LARGE1: variants seen among roughly 807,000 people sequenced by gnomAD.
LARGE1 encodes xylosyl- and glucuronyltransferase LARGE1.
A neutral mutation model predicts 87.6 loss-of-function variants in LARGE1; 43 were observed. The ratio of observed to expected loss-of-function variants is 0.49; its 90% CI spans 0.38 to 0.63. The LOEUF (loss-of-function observed/expected upper bound fraction) is 0.63, where lower values mean the gene tolerates loss of function less well. Among genes scored for constraint, LARGE1 ranks in the 30% least tolerant of loss-of-function variants. The pLI is 0.00. For synonymous variants in LARGE1, 434 were observed against 394.6 expected, an observed-to-expected ratio of 1.10 and a Z score of -1.18; for missense variants, 802 against 1,000.2, an observed-to-expected ratio of 0.80 and a Z score of 2.67.
chr22:33,596,185 C>A (rs2078972130), intron 5 of LARGE1, among the ~76,000 whole-genome samples: 1 of 152,234 alleles, frequency 6.6e-6, no homozygotes, highest in Non-Finnish European at 1.5e-5. Context: ...AAAGAAAAAT[C>A]TGCCTGTGTA....
intron 9 of LARGE1, among the ~76,000 whole-genome samples, chr22:33,365,907 C>A (rs1200256250): frequency 1.3e-5 from 2 of 152,188 alleles, no homozygotes; most frequent in African/African-American, 4.8e-5. Flanking sequence ...TGAGCCACTG[C>A]ACCTGGCCTG....
the LARGE1 span, among the ~76,000 whole-genome samples, chr22:33,140,066 C>A: frequency 1.7e-4 from 26 of 152,280 alleles, no homozygotes; most frequent in Admixed American, 1.6e-3. Context: ...AGGTTAGAGC[C>A]CCATTATTCT....
At chr22:33,728,453 C>A (rs562122907) in intron 2 of LARGE1, among the ~76,000 whole-genome samples, 1 of 147,338 alleles carries the variant, frequency 6.8e-6, no homozygotes, top group Non-Finnish European at 1.5e-5. Flanking sequence ...GCAGGAGAAT[C>A]GCTTGAACCT....
At chr22:33,623,702 A>AT (rs1163947452) in intron 4 of LARGE1, among the ~76,000 whole-genome samples, 38 of 101,124 alleles carry the variant, frequency 3.8e-4, no homozygotes, top group African/African-American at 1.2e-3. Context: ...AAGTTAACTG[A>AT]TTTAAAAAAA....
intron 6 of LARGE1, among the ~76,000 whole-genome samples, chr22:33,457,060 C>T (rs970485913): frequency 2.0e-5 from 3 of 152,152 alleles, no homozygotes; most frequent in African/African-American, 7.2e-5. Context: ...TATAGCATCA[C>T]TGAAGATGTA....
intron 1 of LARGE1, among the ~76,000 whole-genome samples, chr22:33,899,457 T>C (rs965308725): frequency 1.3e-5 from 2 of 152,184 alleles, no homozygotes; most frequent in Admixed American, 6.5e-5. Flanking sequence ...AGAGGAGTTA[T>C]ACATATGGTA....
intron 6 of LARGE1, among the ~76,000 whole-genome samples, chr22:33,449,383 C>A (rs1031171574): frequency 6.6e-6 from 1 of 152,140 alleles, no homozygotes; most frequent in Non-Finnish European, 1.5e-5. Flanking sequence ...AGAGCTCCCC[C>A]AGGGTAAGAG....
rs574688277 is a variant in LARGE1 at position 33,471,806 on chromosome 22, G to A, written c.788-39541C>T. On this transcript the variant is annotated intron_variant, in intron 6 of 14. Coordinates refer to ENST00000397394, the MANE Select transcript of LARGE1 (RefSeq NM_133642.5). Reference sequence around the variant, plus strand: ...TCCCAGCACTTTGGGAGGCCGAGGCGGGCGCATCATGAGGTCAGGAGTTCT... The same window carrying A: ...TCCCAGCACTTTGGGAGGCCGAGGCAGGCGCATCATGAGGTCAGGAGTTCT... 1.1e-4 allele frequency among the ~76,000 whole-genome samples: 17 copies of A among 152,248 alleles called. No individual in the cohort carries two copies. The East Asian group carries it at 1.2e-3, about 10-fold the overall frequency.
At chr22:33,404,882 G>GC (rs1569134814) in intron 7 of LARGE1, among the ~76,000 whole-genome samples, 1 of 152,120 alleles carries the variant, frequency 6.6e-6, no homozygotes, top group African/African-American at 2.4e-5. Context: ...CTGTTCAGTG[G>GC]GGGGGAAGGA....
intron 1 of LARGE1, among the ~76,000 whole-genome samples, chr22:33,784,160 CA>C (rs1388739596): frequency 6.6e-6 from 1 of 152,164 alleles, no homozygotes; most frequent in Admixed American, 6.5e-5. Flanking sequence ...TTAACAACTG[CA>C]ACAATTGCTT....
chr22:33,483,486 A>G (rs1191907258), intron 6 of LARGE1, among the ~76,000 whole-genome samples: 1 of 152,146 alleles, frequency 6.6e-6, no homozygotes, highest in African/African-American at 2.4e-5. Context: ...TGGTGAACAG[A>G]TAGGGACAGA....
At chr22:33,776,663 G>C (rs2085248617) in intron 1 of LARGE1, among the ~76,000 whole-genome samples, 1 of 152,162 alleles carries the variant, frequency 6.6e-6, no homozygotes, top group Non-Finnish European at 1.5e-5. Flanking sequence ...TTCTGCTTAA[G>C]CAAATACACA....
chr22:33,455,515 G>A (rs1337996319), intron 6 of LARGE1, among the ~76,000 whole-genome samples: 8 of 152,102 alleles, frequency 5.3e-5, no homozygotes, highest in Non-Finnish European at 1.2e-4. Flanking sequence ...CACTTTGGGA[G>A]GCCGAGGCAG....
At position 33,892,141 on chromosome 22, in the gene LARGE1, C is replaced by T. The variant is rs1601862982; in HGVS notation, c.-83+27854G>A. Among the ~76,000 whole-genome samples, 3 of 152,184 alleles carry T rather than the reference C, an allele frequency of 2.0e-5. No homozygotes were observed. The East Asian group carries it at 5.8e-4, about 29-fold the overall frequency. On this transcript the variant is annotated intron_variant, in intron 1 of 14. Coordinates refer to ENST00000397394, the MANE Select transcript of LARGE1 (RefSeq NM_133642.5). The stretch of plus-strand genomic sequence containing the variant: ...GAATCATGTTAGCAACCCACCACAT[C>T]AGTCATTTGTTGCATAATAATGCTA...
intron 7 of LARGE1, among the ~76,000 whole-genome samples, chr22:33,385,278 C>T (rs2065283806): frequency 6.8e-6 from 1 of 147,854 alleles, no homozygotes; most frequent in Admixed American, 6.7e-5. Flanking sequence ...GTGGTTCATG[C>T]CTGTAAACCC....
chr22:33,833,110 T>C (rs1224540325), intron 1 of LARGE1, among the ~76,000 whole-genome samples: 1 of 152,206 alleles, frequency 6.6e-6, no homozygotes, highest in African/African-American at 2.4e-5. Flanking sequence ...GCAGATGATG[T>C]CTCAGCCTGT....
At chr22:33,401,858 G>A (rs2065936369) in intron 7 of LARGE1, among the ~76,000 whole-genome samples, 1 of 152,172 alleles carries the variant, frequency 6.6e-6, no homozygotes. Flanking sequence ...TTTTGTTACG[G>A]CAGCCCTAGC....
intron 11 of LARGE1, among the ~76,000 whole-genome samples, chr22:33,183,138 A>G (rs1428617811): frequency 6.6e-6 from 1 of 151,988 alleles, no homozygotes; most frequent in Non-Finnish European, 1.5e-5. Context: ...TCTCAATAGC[A>G]GAAAAGTTAA....
At chr22:33,611,105 G>T (rs577998427) in intron 4 of LARGE1, among the ~76,000 whole-genome samples, 1 of 152,380 alleles carries the variant, frequency 6.6e-6, no homozygotes, top group Admixed American at 6.5e-5. Context: ...CACCAGAGAT[G>T]TTCTATTAGG....
Sources: allele counts gnomAD v4.1 joint callset (sites outside exome capture counted in the v4.1 genomes callset), GRCh38; gene constraint gnomAD v4.1.1; transcripts MANE v1.5; gene names NCBI Gene and HGNC (gene_info 2026-07-23, HGNC 2026-07-21).